IP6K1: variants seen among roughly 807,000 people sequenced by gnomAD.
IP6K1 encodes ATP:1D-myo-inositol-hexakisphosphate phosphotransferase.
Under a neutral mutation model 38.3 loss-of-function variants are expected in IP6K1, and 13 were observed. That is an observed-to-expected ratio of 0.34 (90% CI 0.22 to 0.54). The LOEUF is 0.54. Ranked by LOEUF, IP6K1 falls within the 20% of genes least tolerant of loss-of-function variation. IP6K1 has a pLI of 0.92. For missense variants in IP6K1, 397 were observed against 599.8 expected (o/e 0.66, Z 3.53); for synonymous variants, 212 against 229.9 (o/e 0.92, Z 0.70).
chr3:49,757,537 A>C (rs2080834312), intron 1 of IP6K1, among the ~76,000 whole-genome samples: 1 of 152,060 alleles, frequency 6.6e-6, no homozygotes, highest in Non-Finnish European at 1.5e-5. Context: ...CAGCCTGGGC[A>C]ACATGGCAAA....
At chr3:49,782,975 C>G (rs1345685885) in intron 1 of IP6K1, among the ~76,000 whole-genome samples, 2 of 150,424 alleles carry the variant, frequency 1.3e-5, no homozygotes, top group African/African-American at 4.9e-5. Context: ...AAAAAATTAG[C>G]CAGGCGTGCT....
Position 49,728,151 on chromosome 3 carries a change from G to T in IP6K1, c.744C>A (p.Cys248Ter), listed in dbSNP as rs759330339. The change falls in exon 5 of 6, where the codon TGC becomes TGA. Residue 248 changes from cysteine (C) to a stop codon, truncating the protein, a stop_gained. Transcript: ENST00000321599. LOFTEE classifies it high-confidence loss of function. The part of the protein sequence containing the change: ...AEKAARQMRK[C>*]EQSTSATLGV... ...CCAGCGTGGCTGATGTGCTCTGCTCGCATTTCCGCATCTGCCGGGCTGCCT... is the reference window on the plus strand; with the variant it reads ...CCAGCGTGGCTGATGTGCTCTGCTCTCATTTCCGCATCTGCCGGGCTGCCT... 6.2e-7 allele frequency: 1 copy of T among 1,614,122 alleles called. No individual in the cohort carries two copies. The highest frequency in any genetic ancestry group is 8.5e-7 in the Non-Finnish European group (1 of 1,180,038).
chr3:49,775,989 A>G (rs1208531397), intron 1 of IP6K1, among the ~76,000 whole-genome samples: 1 of 151,358 alleles, frequency 6.6e-6, no homozygotes, highest in East Asian at 2.0e-4. Flanking sequence ...AGTGAAAAAC[A>G]TGATCTTGCA....
intron 2 of IP6K1, 93 bp downstream of exon 2, chr3:49,747,725 T>C: frequency 2.6e-6 from 4 of 1,531,374 alleles, no homozygotes; most frequent in Non-Finnish European, 3.5e-6. Context: ...AGACCTACAA[T>C]GATATATCAT....
At chr3:49,746,632 G>A (rs1166245472) in intron 2 of IP6K1, among the ~76,000 whole-genome samples, 1 of 146,768 alleles carries the variant, frequency 6.8e-6, no homozygotes, top group South Asian at 2.2e-4. Flanking sequence ...CCAAGATCGC[G>A]CCACTGCACT....
chr3:49,748,335 T>C (rs1575313609), intron 1 of IP6K1, among the ~76,000 whole-genome samples, 167 bp from the exon 2 acceptor site: 1 of 152,320 alleles, frequency 6.6e-6, no homozygotes, highest in East Asian at 1.9e-4. Context: ...AAATTTTTGC[T>C]GAATGATGCA....
chr3:49,737,869 C>T (rs371654517), intron 3 of IP6K1, among the ~76,000 whole-genome samples: 1 of 152,184 alleles, frequency 6.6e-6, no homozygotes, highest in East Asian at 1.9e-4. Flanking sequence ...GGTCAGAAAG[C>T]ATTTGGAGCC....
At chr3:49,774,422 A>G (rs930014189) in intron 1 of IP6K1, among the ~76,000 whole-genome samples, 9 of 150,836 alleles carry the variant, frequency 6.0e-5, no homozygotes, top group Non-Finnish European at 1.3e-4. Flanking sequence ...AAAAAAAAAA[A>G]AAAAAAAGAA....
intron 1 of IP6K1, chr3:49,785,849 C>A (rs955477251): frequency 3.9e-5 from 6 of 152,396 alleles, no homozygotes; most frequent in African/African-American, 1.4e-4. Flanking sequence ...CAGGAAGCAG[C>A]AGCCAGGCAG....
chr3:49,766,958 CAAAAAAAAA>C (rs144308874), intron 1 of IP6K1, among the ~76,000 whole-genome samples: 22 of 55,420 alleles, frequency 4.0e-4, no homozygotes, highest in South Asian at 1.0e-3. Context: ...GACTCCGTCT[CAAAAAAAAA>C]AAAAAAAAAA....
In IP6K1 at chr3:49,772,221, A is replaced by AT. The variant is rs1473002367; in HGVS notation, c.-129+14132_-129+14133insA. On this transcript the variant is annotated intron_variant, in intron 1 of 5. Coordinates refer to ENST00000321599, the MANE Select transcript of IP6K1 (RefSeq NM_153273.4). ...AAACAAGACCCTTTCCCTTAAAAAA[A>AT]AAAATATATATATATATATATGTGT... is the stretch of plus-strand genomic sequence containing the variant. 2.3e-3 allele frequency among the ~76,000 whole-genome samples: 317 copies of AT among 137,914 alleles called. 3 individuals carry two copies. The Middle Eastern group carries it at 0.03, about 13-fold the overall frequency. The allele number at this position is 137,914 out of a possible 152,430, so 90.5% of individuals were successfully genotyped here. A position where few individuals can be genotyped will look rare whatever the true frequency, so the allele number is the denominator to read the frequency against.
At chr3:49,766,787 A>C (rs1342642875) in intron 1 of IP6K1, among the ~76,000 whole-genome samples, 2 of 151,148 alleles carry the variant, frequency 1.3e-5, no homozygotes, top group Non-Finnish European at 3.0e-5. Flanking sequence ...CCAACATGGC[A>C]AAACCCCGTC....
At chr3:49,775,037 GATTC>G (rs2108261393) in intron 1 of IP6K1, among the ~76,000 whole-genome samples, 1 of 152,138 alleles carries the variant, frequency 6.6e-6, no homozygotes, top group South Asian at 2.1e-4. Flanking sequence ...ATAAATAACT[GATTC>G]ATTAACACTG....
intron 1 of IP6K1, chr3:49,775,209 G>A (rs148915892): frequency 3.6e-4 from 57 of 158,830 alleles, no homozygotes; most frequent in Non-Finnish European, 6.1e-4. Flanking sequence ...AAGGCCAGGC[G>A]CAGTGGCTAA....
chr3:49,739,877 T>C (rs1027085839), intron 2 of IP6K1, among the ~76,000 whole-genome samples: 1 of 151,688 alleles, frequency 6.6e-6, no homozygotes, highest in African/African-American at 2.4e-5. Flanking sequence ...TATCCAGACA[T>C]GGTGGTGCGT....
intron 2 of IP6K1, among the ~76,000 whole-genome samples, chr3:49,742,007 A>C (rs1418289802): frequency 6.6e-6 from 1 of 152,018 alleles, no homozygotes; most frequent in Non-Finnish European, 1.5e-5. Flanking sequence ...TGAGGTCAGG[A>C]GTTTGAGTCT....
intron 4 of IP6K1, among the ~76,000 whole-genome samples, chr3:49,732,371 G>A (rs960455011): frequency 2.0e-5 from 3 of 152,174 alleles, no homozygotes; most frequent in African/African-American, 7.2e-5. Context: ...GGGCACATAC[G>A]CAGATCTGTG....
At chr3:49,784,361 G>A (rs2081092738) in intron 1 of IP6K1, among the ~76,000 whole-genome samples, 1 of 152,020 alleles carries the variant, frequency 6.6e-6, no homozygotes, top group Non-Finnish European at 1.5e-5. Context: ...TAGGCTAGGC[G>A]CGTGACCAGG....
chr3:49,772,225 ATAT>A (rs763997620), intron 1 of IP6K1, among the ~76,000 whole-genome samples: 3 of 81,490 alleles, frequency 3.7e-5, no homozygotes, highest in Admixed American at 1.1e-4. Flanking sequence ...AAAAAAAAAA[ATAT>A]ATATATATAT....
Sources: gnomAD v4.1 joint callset for allele counts (sites outside exome capture counted in the v4.1 genomes callset) on GRCh38, gnomAD v4.1.1 for gene constraint, MANE v1.5 for transcripts, NCBI Gene and HGNC (gene_info 2026-07-23, HGNC 2026-07-21) for gene names.